The following APBB2 variants were observed in gnomAD, a reference collection of about 807,000 sequenced individuals.
APBB2 encodes the protein amyloid beta precursor protein binding family B member 2.
APBB2 carries 38 observed loss-of-function variants against 82.5 expected under a neutral mutation model. The ratio of observed to expected loss-of-function variants is 0.46; its 90% CI spans 0.36 to 0.60. The LOEUF is 0.60. APBB2 is among the 20% of genes least tolerant of loss of function. The pLI is 0.00. For missense variants in APBB2, 772 were observed against 972.3 expected (o/e 0.79, Z 2.74); for synonymous variants, 341 against 368.2 (o/e 0.93, Z 0.85).
intron 3 of APBB2, among the ~76,000 whole-genome samples, chr4:41,079,424 A>T (rs1252844901): frequency 6.6e-6 from 1 of 152,266 alleles, no homozygotes; most frequent in African/African-American, 2.4e-5. Flanking sequence ...TTTGTTTCAT[A>T]AGATTTCAAA....
intron 2 of APBB2, among the ~76,000 whole-genome samples, chr4:41,119,272 C>T (rs984198549): frequency 1.1e-4 from 16 of 151,900 alleles, no homozygotes; most frequent in African/African-American, 3.6e-4. Context: ...GGCACTGAAA[C>T]GTGTGAATGG....
intron 6 of APBB2, among the ~76,000 whole-genome samples, chr4:40,963,931 A>G (rs529541833): frequency 6.6e-6 from 1 of 152,364 alleles, no homozygotes; most frequent in Non-Finnish European, 1.5e-5. Flanking sequence ...CCAACCATGG[A>G]GCCCAAAACA....
At chr4:40,889,601 T>C (rs1446191028) in intron 12 of APBB2, among the ~76,000 whole-genome samples, 1 of 152,214 alleles carries the variant, frequency 6.6e-6, no homozygotes, top group African/African-American at 2.4e-5. Context: ...CTGACTATAA[T>C]TTAAGAATTA....
intron 12 of APBB2, among the ~76,000 whole-genome samples, chr4:40,847,684 T>C (rs1207713550): frequency 6.6e-6 from 1 of 152,202 alleles, no homozygotes; most frequent in East Asian, 1.9e-4. Context: ...CTTGTGGATA[T>C]GGTGAATCAC....
At chr4:41,101,873 C>T (rs1745577504) in intron 2 of APBB2, among the ~76,000 whole-genome samples, 1 of 151,726 alleles carries the variant, frequency 6.6e-6, no homozygotes, top group African/African-American at 2.4e-5. Flanking sequence ...GCAGGAGAAT[C>T]GCTTGAACCC....
intron 6 of APBB2, among the ~76,000 whole-genome samples, chr4:40,998,632 T>TA (rs1228392492): frequency 6.6e-6 from 1 of 152,216 alleles, no homozygotes; most frequent in African/African-American, 2.4e-5. Flanking sequence ...TAAAGGCAGA[T>TA]AAGCAAATTC....
At chr4:41,192,868 T>C (rs1274104904) in intron 1 of APBB2, among the ~76,000 whole-genome samples, 1 of 152,210 alleles carries the variant, frequency 6.6e-6, no homozygotes, top group African/African-American at 2.4e-5. Context: ...TATCATACCA[T>C]AACATCATGT....
intron 10 of APBB2, among the ~76,000 whole-genome samples, chr4:40,897,839 G>C (rs754557988): frequency 4.6e-5 from 7 of 152,148 alleles, no homozygotes; most frequent in Non-Finnish European, 8.8e-5. Context: ...ACCCAGGAAG[G>C]GATGCCGGGC....
chr4:41,027,871 C>A (rs57173022), intron 5 of APBB2, among the ~76,000 whole-genome samples: 4,889 of 152,306 alleles, frequency 0.032, 266 homozygotes, highest in African/African-American at 0.11. Flanking sequence ...AGTGATTCTG[C>A]CATCCCCTCC....
chr4:41,098,472 C>T (rs1291228909), intron 3 of APBB2, among the ~76,000 whole-genome samples: 3 of 152,180 alleles, frequency 2.0e-5, no homozygotes, highest in East Asian at 1.9e-4. Flanking sequence ...GAGTGAGCCA[C>T]GGCGTCTGGC....
chr4:41,013,132 G>A (rs1294699414), intron 6 of APBB2, among the ~76,000 whole-genome samples: 1 of 152,118 alleles, frequency 6.6e-6, no homozygotes, highest in Admixed American at 6.5e-5. Context: ...AACTTTTTAT[G>A]CGCTTCACCA....
At chr4:40,951,837 A>G (rs562692941) in intron 6 of APBB2, among the ~76,000 whole-genome samples, 9 of 152,212 alleles carry the variant, frequency 5.9e-5, no homozygotes, top group Non-Finnish European at 1.0e-4. Context: ...GTCACAATAT[A>G]AGAACATGTT....
At chr4:41,109,295 A>AT (rs35480977) in intron 2 of APBB2, among the ~76,000 whole-genome samples, 1,357 of 122,170 alleles carry the variant, frequency 0.011, 31 homozygotes, top group African/African-American at 0.032. Context: ...AATCACTATA[A>AT]TTTTCTTTTT....
At chr4:41,061,397 G>A (rs766041099) in intron 4 of APBB2, among the ~76,000 whole-genome samples, 4 of 152,184 alleles carry the variant, frequency 2.6e-5, no homozygotes, top group Non-Finnish European at 5.9e-5. Flanking sequence ...ACCGAGGCTA[G>A]ATGGCACAGC....
At chr4:40,869,523 G>C (rs1427565492) in intron 12 of APBB2, among the ~76,000 whole-genome samples, 1 of 152,022 alleles carries the variant, frequency 6.6e-6, no homozygotes, top group Admixed American at 6.6e-5. Context: ...AGGAGATCCA[G>C]GCTGCAGTGA....
At chr4:40,838,933 C>T (rs1280375584) in intron 12 of APBB2, among the ~76,000 whole-genome samples, 1 of 152,196 alleles carries the variant, frequency 6.6e-6, no homozygotes. Flanking sequence ...TTTCAAAGTC[C>T]CTTTCACAGC....
rs181957009 is a variant in APBB2 at position 41,037,054 on chromosome 4, G to A, written c.-50-3750C>T. 3.0e-3 allele frequency among the ~76,000 whole-genome samples: 464 copies of A among 152,274 alleles called. 1 individual carries two copies. The highest frequency in any genetic ancestry group is 6.9e-3 in the Admixed American group (106 of 15,294). On this transcript the variant is annotated intron_variant, in intron 4 of 17. Transcript: ENST00000508593. ...AGCTATTGAATACTTAAAAGGTAGC[G>A]CAACCGACAACTGAATTTATTTAAC...
intron 1 of APBB2, among the ~76,000 whole-genome samples, chr4:41,204,115 C>A (rs575648103): frequency 6.6e-6 from 1 of 152,096 alleles, no homozygotes; most frequent in Non-Finnish European, 1.5e-5. Flanking sequence ...GAGGGATGGT[C>A]GCAGGCAATG....
intron 6 of APBB2, among the ~76,000 whole-genome samples, chr4:40,982,735 G>T (rs12507848): frequency 0.38 from 57,804 of 151,346 alleles, 12,145 homozygotes; most frequent in East Asian, 0.71. Flanking sequence ...AGGTTGCAGT[G>T]AGCTGTGATC....
Sources: gnomAD v4.1 joint callset for allele counts (sites outside exome capture counted in the v4.1 genomes callset) on GRCh38, gnomAD v4.1.1 for gene constraint, MANE v1.5 for transcripts, NCBI Gene and HGNC (gene_info 2026-07-23, HGNC 2026-07-21) for gene names.